The following OR6Y1 variants were observed in gnomAD, a reference collection of about 807,000 sequenced individuals.
The protein encoded by OR6Y1 is olfactory receptor 6Y1.
OR6Y1 carries 1 observed loss-of-function variant against 0.4 expected under a neutral mutation model. The observed-to-expected ratio is 2.74, with a 90% CI of 0.97 to 13.02. OR6Y1 has a LOEUF of 13.02. Among genes scored for constraint, OR6Y1 ranks in the 30% most tolerant of loss-of-function variants. The probability of loss-of-function intolerance (pLI) is 0.12; values close to 1 mark genes in which losing one functional copy is unlikely to be tolerated. For synonymous variants in OR6Y1, 173 were observed against 141.1 expected (o/e 1.23, Z -1.60); for missense variants, 480 against 399.8 (o/e 1.20, Z -1.71).
At chr1:158,549,992 G>T (rs545694773) in intron 1 of OR6Y1, among the ~76,000 whole-genome samples, 1 of 151,802 alleles carries the variant, frequency 6.6e-6, no homozygotes, top group African/African-American at 2.4e-5. Context: ...TACTGTTTGG[G>T]AGGCACTTTC....
chr1:158,548,255 G>C lies in OR6Y1; in HGVS notation c.-150C>G. 1.4e-6 allele frequency: 1 copy of C among 715,662 alleles called. No individual in the cohort carries two copies. Among genetic ancestry groups the C allele is most frequent in the Non-Finnish European group, 2.2e-6 (1 of 445,712 alleles). The allele number at this position is 715,662 out of a possible 1,614,324, so 44.3% of individuals were successfully genotyped here. ...CTTACTGCCTCTTGAATTATGAAGAGAACCAAAGCTTTTGAGAAAAGATGG... is the reference window on the plus strand; with the variant it reads ...CTTACTGCCTCTTGAATTATGAAGACAACCAAAGCTTTTGAGAAAAGATGG... On this transcript the variant is annotated 5_prime_UTR_variant, in exon 2 of 2. Coordinates refer to ENST00000641622, the MANE Select transcript of OR6Y1 (RefSeq NM_001005189.2).
intron 1 of OR6Y1, among the ~76,000 whole-genome samples, chr1:158,551,023 T>G (rs1423234206): frequency 6.6e-6 from 1 of 152,028 alleles, no homozygotes; most frequent in South Asian, 2.1e-4. Flanking sequence ...GCTAAATTGC[T>G]TAATGGCAGA....
chr1:158,552,484 G>A (rs114626460), intron 1 of OR6Y1, among the ~76,000 whole-genome samples: 7,560 of 152,002 alleles, frequency 0.05, 250 homozygotes, highest in Non-Finnish European at 0.081. Context: ...TCCCAGGGAG[G>A]GTGGATATGA....
At position 158,551,101 on chromosome 1, in the gene OR6Y1, G is replaced by T. The variant is rs76236437; in HGVS notation, c.-1432-1564C>A. Among the ~76,000 whole-genome samples, 989 of 145,108 alleles carry T rather than the reference G, an allele frequency of 6.8e-3. 37 individuals carry two copies. The highest frequency in any genetic ancestry group is 0.024 in the African/African-American group (910 of 37,892). On this transcript the variant is annotated intron_variant, in intron 1 of 1. Transcript: ENST00000641622. ...TTTTGTGTATGAGTATGTAGAGGATGATCTATGAATTGGGTGAGGCTTTTT... is the reference window on the plus strand; with the variant it reads ...TTTTGTGTATGAGTATGTAGAGGATTATCTATGAATTGGGTGAGGCTTTTT...
rs1180940166 is a variant in OR6Y1 at position 158,548,011 on chromosome 1, A to C, written c.95T>G (p.Phe32Cys). 1 of 1,613,592 alleles carries C rather than the reference A, an allele frequency of 6.2e-7. No individual in the cohort carries two copies. Among genetic ancestry groups the C allele is most frequent in the Admixed American group, 1.7e-5 (1 of 59,966 alleles). Residue 32 changes from phenylalanine to cysteine, a missense_variant, in exon 2 of 2, where the codon TTT (phenylalanine) becomes TGT (cysteine). Physicochemically the swap from Phe to Cys is radical, Grantham distance 205. Transcript: ENST00000641622. ...FPTRPAFQLL[F>C]FSIFLATYLL... The stretch of plus-strand genomic sequence containing the variant: ...ATAGGTTGCCAGGAAAATGGAGAAA[A>C]AGAGAAGCTGGAAGGCTGGTCGTGT...
chr1:158,548,125 C>G lies in OR6Y1; in HGVS notation c.-20G>C, dbSNP rs374426309. The G allele has an allele frequency of 7.5e-6, 12 of 1,600,604 alleles. No individual in the cohort carries two copies. Among genetic ancestry groups the G allele is most frequent in the Middle Eastern group, 3.3e-4 (2 of 5,996 alleles). ...GGTCATGACTGGCTGTGGGCACAGA[C>G]AAAGTCAGTTCCTTCCATGACACAA... On this transcript the variant is annotated 5_prime_UTR_variant, in exon 2 of 2. Transcript: ENST00000641622.
chr1:158,546,914 A>G lies in OR6Y1; in HGVS notation c.*214T>C. On this transcript the variant is annotated 3_prime_UTR_variant, in exon 2 of 2. Coordinates refer to ENST00000641622, the MANE Select transcript of OR6Y1 (RefSeq NM_001005189.2). ...TTTCAAATAGCTTTTCTAACATTTTAAAACTTGTCTCTCAGCCTGATACCA... is the reference window on the plus strand; with the variant it reads ...TTTCAAATAGCTTTTCTAACATTTTGAAACTTGTCTCTCAGCCTGATACCA... 4 of 421,128 alleles carry G rather than the reference A, an allele frequency of 9.5e-6. No individual in the cohort carries two copies. The highest frequency in any genetic ancestry group is 1.7e-5 in the Non-Finnish European group (4 of 237,844). The allele number at this position is 421,128 out of a possible 1,614,324, so 26.1% of individuals were successfully genotyped here.
At chr1:158,553,488 C>T (rs1647752056) in intron 1 of OR6Y1, among the ~76,000 whole-genome samples, 1 of 152,064 alleles carries the variant, frequency 6.6e-6, no homozygotes, top group Non-Finnish European at 1.5e-5. Flanking sequence ...CTGATCTGAT[C>T]ATGGTTCATT....
At chr1:158,553,575 GA>G (rs949163772) in intron 1 of OR6Y1, among the ~76,000 whole-genome samples, 3 of 151,560 alleles carry the variant, frequency 2.0e-5, no homozygotes, top group Non-Finnish European at 4.4e-5. Flanking sequence ...AAAAATAAAA[GA>G]AAAAATGTAG....
rs1226962727 is a variant in OR6Y1 at position 158,545,239 on chromosome 1, T to C, written c.*1889A>G. On this transcript the variant is annotated 3_prime_UTR_variant, in exon 2 of 2. Coordinates refer to ENST00000641622, the MANE Select transcript of OR6Y1 (RefSeq NM_001005189.2). Reference sequence around the variant, plus strand: ...TTAGTAATAGCCATTTGGAGTGGTGTTAGATGGTAACAAAATTAGACGTTA... The same window carrying C: ...TTAGTAATAGCCATTTGGAGTGGTGCTAGATGGTAACAAAATTAGACGTTA... 2 of 148,050 alleles carry C rather than the reference T, an allele frequency of 1.4e-5. No individual in the cohort carries two copies. Among genetic ancestry groups the C allele is most frequent in the Non-Finnish European group, 3.0e-5 (2 of 67,558 alleles). The allele number at this position is 148,050 out of a possible 1,614,324, so 9.2% of individuals were successfully genotyped here. A position where few individuals can be genotyped will look rare whatever the true frequency, so the allele number is the denominator to read the frequency against.
chr1:158,547,566 A>G lies in OR6Y1; in HGVS notation c.540T>C (p.Asn180=), dbSNP rs1647580646. The part of the protein sequence containing the change: ...QLHYCGMPQI[N]HYFCDISPLL... ...GTGGAGAGATATCACAAAAGTAGTG[A>G]TTGATCTGAGGCATGCCACAGTAGT... Residue 180 remains asparagine (N), a synonymous_variant, in exon 2 of 2, where the codon AAT becomes AAC. Transcript: ENST00000641622. 1 of 1,613,222 alleles carries G rather than the reference A, an allele frequency of 6.2e-7. No individual in the cohort carries two copies. The highest frequency in any genetic ancestry group is 1.7e-5 in the Admixed American group (1 of 59,900).
At chr1:158,550,483 G>A (rs1250490541) in intron 1 of OR6Y1, among the ~76,000 whole-genome samples, 1 of 151,190 alleles carries the variant, frequency 6.6e-6, no homozygotes, top group Admixed American at 6.6e-5. Context: ...TTTGAGCATG[G>A]AATTTAGCTT....
In OR6Y1 at chr1:158,548,066, T is replaced by A; in HGVS notation, c.40A>T (p.Thr14Ser). 6.2e-7 allele frequency: 1 copy of A among 1,613,450 alleles called. No homozygotes were observed. Among genetic ancestry groups the A allele is most frequent in the Non-Finnish European group, 8.5e-7 (1 of 1,179,936 alleles). The change falls in exon 2 of 2, where the codon ACA (threonine) becomes TCA (serine). Residue 14 changes from threonine to serine, a missense_variant. Transcript: ENST00000641622. The part of the protein sequence containing the change: ...IILEVDNHTV[T>S]TRFILLGFPT... ...AACCCCAGAAGAATGAAACGTGTTGTCACTGTATGATTATCTACTTCCAGA... is the reference window on the plus strand; with the variant it reads ...AACCCCAGAAGAATGAAACGTGTTGACACTGTATGATTATCTACTTCCAGA...
chr1:158,545,442 C>T lies in OR6Y1; in HGVS notation c.*1686G>A, dbSNP rs1031577971. The T allele has an allele frequency of 2.0e-5, 3 of 151,152 alleles. No individual in the cohort carries two copies. Among genetic ancestry groups the T allele is most frequent in the South Asian group, 2.1e-4 (1 of 4,770 alleles). The allele number at this position is 151,152 out of a possible 1,614,324, so 9.4% of individuals were successfully genotyped here. A position where few individuals can be genotyped will look rare whatever the true frequency, so the allele number is the denominator to read the frequency against. ...TGTATACATATGTAACAAACCTGCA[C>T]GTTGTGCACATGTACCCTAAAACTT... is the stretch of plus-strand genomic sequence containing the variant. On this transcript the variant is annotated 3_prime_UTR_variant, in exon 2 of 2. Transcript: ENST00000641622.
intron 1 of OR6Y1, among the ~76,000 whole-genome samples, chr1:158,553,276 T>G (rs141980289): frequency 6.6e-6 from 1 of 152,198 alleles, no homozygotes; most frequent in Non-Finnish European, 1.5e-5. Flanking sequence ...GTGATGCATT[T>G]TTTTGCTCTA....
Position 158,547,040 on chromosome 1 carries a change from G to T in OR6Y1, c.*88C>A. 1 of 1,295,228 alleles carries T rather than the reference G, an allele frequency of 7.7e-7. No homozygotes were observed. The highest frequency in any genetic ancestry group is 1.1e-6 in the Non-Finnish European group (1 of 933,244). The allele number at this position is 1,295,228 out of a possible 1,614,324, so 80.2% of individuals were successfully genotyped here. A position where few individuals can be genotyped will look rare whatever the true frequency, so the allele number is the denominator to read the frequency against. Reference sequence around the variant, plus strand: ...AGGAGAGCAGTGTTACAGTACTGGAGATTGGGGGATAACCAAAGACAAGAC... The same window carrying T: ...AGGAGAGCAGTGTTACAGTACTGGATATTGGGGGATAACCAAAGACAAGAC... On this transcript the variant is annotated 3_prime_UTR_variant, in exon 2 of 2. Transcript: ENST00000641622.
Position 158,546,969 on chromosome 1 carries a change from A to G in OR6Y1, c.*159T>C. The G allele has an allele frequency of 1.6e-6, 1 of 643,136 alleles. No homozygotes were observed. The highest frequency in any genetic ancestry group is 2.3e-5 in the South Asian group (1 of 42,664). 39.8% of individuals were successfully genotyped at this position (643,136 alleles called of 1,614,324 possible). On this transcript the variant is annotated 3_prime_UTR_variant, in exon 2 of 2. Transcript: ENST00000641622. The stretch of plus-strand genomic sequence containing the variant: ...TTACTTCTTGAGAACATGTTTCTCC[A>G]GTCATGATTGTGTATACACACACAC...
At chr1:158,550,590 A>T (rs1002486741) in intron 1 of OR6Y1, among the ~76,000 whole-genome samples, 8 of 151,720 alleles carry the variant, frequency 5.3e-5, no homozygotes, top group African/African-American at 1.9e-4. Flanking sequence ...GTATATATAG[A>T]ATTATATTTT....
intron 1 of OR6Y1, among the ~76,000 whole-genome samples, chr1:158,551,778 C>G (rs2101710082): frequency 7.7e-6 from 1 of 129,600 alleles, no homozygotes; most frequent in South Asian, 2.4e-4. Flanking sequence ...ACACACATTG[C>G]TAAACAAGTA....
Sources: allele counts gnomAD v4.1 joint callset (sites outside exome capture counted in the v4.1 genomes callset), GRCh38; gene constraint gnomAD v4.1.1; transcripts MANE v1.5; gene names NCBI Gene and HGNC (gene_info 2026-07-23, HGNC 2026-07-21).